Variants in ARHGAP26 observed in about 807,000 individuals in gnomAD.
ARHGAP26 encodes the protein rho GTPase-activating protein 26.
In ARHGAP26, 38 loss-of-function variants were observed where a neutral mutation model predicts 104.8. That is an observed-to-expected ratio of 0.36 (90% confidence interval 0.28 to 0.48). ARHGAP26 has a LOEUF of 0.48. Ranked by LOEUF, ARHGAP26 falls within the 20% of genes least tolerant of loss-of-function variation. The pLI is 0.99. For synonymous variants in ARHGAP26, 341 were observed against 340.0 expected (o/e 1.00, Z -0.03); for missense variants, 704 against 947.9 (o/e 0.74, Z 3.38).
intron 1 of ARHGAP26, among the ~76,000 whole-genome samples, chr5:142,844,243 G>A (rs1196779448): frequency 6.6e-6 from 1 of 151,684 alleles, no homozygotes; most frequent in African/African-American, 2.4e-5. Flanking sequence ...TAGAGATGGG[G>A]TTTCGCCATA....
chr5:142,844,053 T>TG (rs200107832), intron 1 of ARHGAP26, among the ~76,000 whole-genome samples: 17 of 145,316 alleles, frequency 1.2e-4, no homozygotes, highest in East Asian at 6.2e-4. Flanking sequence ...AAAAGTGAGT[T>TG]TTTTTTTTTT....
chr5:142,934,859 A>G (rs758317056), intron 11 of ARHGAP26, among the ~76,000 whole-genome samples: 1 of 152,138 alleles, frequency 6.6e-6, no homozygotes. Flanking sequence ...TTGAAAAACA[A>G]AGAAAAACTA....
chr5:142,987,527 A>C lies in ARHGAP26; in HGVS notation c.1108-26553A>C, dbSNP rs539195437. Among the ~76,000 whole-genome samples the C allele has an allele frequency of 1.4e-3, 199 of 143,318 alleles. 3 individuals carry two copies. The highest frequency in any genetic ancestry group is 0.014 in the Admixed American group (189 of 13,904). The allele number at this position is 143,318 out of a possible 152,430, so 94.0% of individuals were successfully genotyped here. A position where few individuals can be genotyped will look rare whatever the true frequency, so the allele number is the denominator to read the frequency against. On this transcript the variant is annotated intron_variant, in intron 11 of 22. Transcript: ENST00000645722. Reference sequence around the variant, plus strand: ...GATTGCCCTGGCCAGAACTTCCAACACTATGTTGAATAGGAGTGGTGAGAG... The same window carrying C: ...GATTGCCCTGGCCAGAACTTCCAACCCTATGTTGAATAGGAGTGGTGAGAG...
At chr5:142,934,787 GTTAAT>G (rs1765188267) in intron 11 of ARHGAP26, among the ~76,000 whole-genome samples, 1 of 151,060 alleles carries the variant, frequency 6.6e-6, no homozygotes, top group Non-Finnish European at 1.5e-5. Context: ...TTTGGAGGGG[GTTAAT>G]TTTAGTTTCT....
intron 10 of ARHGAP26, among the ~76,000 whole-genome samples, chr5:142,931,496 T>C (rs2152533025): frequency 6.6e-6 from 1 of 152,318 alleles, no homozygotes; most frequent in African/African-American, 2.4e-5. Flanking sequence ...AGTATTCATT[T>C]TTAAAAAATA....
intron 1 of ARHGAP26, among the ~76,000 whole-genome samples, chr5:142,850,648 A>G (rs1019491400): frequency 1.3e-5 from 2 of 152,126 alleles, no homozygotes; most frequent in Non-Finnish European, 2.9e-5. Context: ...AGCTCTTGGG[A>G]GGATTGAAGG....
rs1811730216 is a variant in ARHGAP26, at chr5:143,227,030, G to C, written c.*4584G>C. On this transcript the variant is annotated 3_prime_UTR_variant, in exon 23 of 23. Transcript: ENST00000645722. ...AGGCTCCAAAAGCATTCACAGTTGA[G>C]GGGGAGAAAGACAGAAAGAAGAAGC... is the stretch of plus-strand genomic sequence containing the variant. 2 of 229,494 alleles carry C rather than the reference G, an allele frequency of 8.7e-6. No homozygotes were observed. The highest frequency in any genetic ancestry group is 2.2e-5 in the African/African-American group (1 of 45,098). The allele number at this position is 229,494 out of a possible 1,614,324, so 14.2% of individuals were successfully genotyped here. A position where few individuals can be genotyped will look rare whatever the true frequency, so the allele number is the denominator to read the frequency against.
chr5:142,970,355 A>T (rs1772076917), intron 11 of ARHGAP26, among the ~76,000 whole-genome samples: 1 of 152,334 alleles, frequency 6.6e-6, no homozygotes, highest in East Asian at 1.9e-4. Flanking sequence ...TGGCTCAAGG[A>T]AAAAAGAGAA....
At chr5:143,064,588 A>G (rs1787213709) in intron 17 of ARHGAP26, among the ~76,000 whole-genome samples, 1 of 152,132 alleles carries the variant, frequency 6.6e-6, no homozygotes, top group South Asian at 2.1e-4. Flanking sequence ...GTCAAAGGAA[A>G]ATCTATTTAA....
chr5:143,071,724 A>C (rs1257681558), intron 17 of ARHGAP26, among the ~76,000 whole-genome samples: 1 of 152,098 alleles, frequency 6.6e-6, no homozygotes, highest in Non-Finnish European at 1.5e-5. Context: ...TCTGGCCAAC[A>C]TGGTGAAACC....
At position 143,223,066 on chromosome 5, in the gene ARHGAP26, T is replaced by A; in HGVS notation, c.*620T>A. 8.6e-6 allele frequency: 2 copies of A among 233,482 alleles called. No individual in the cohort carries two copies. The highest frequency in any genetic ancestry group is 8.5e-6 in the Non-Finnish European group (1 of 117,910). The allele number at this position is 233,482 out of a possible 1,614,324, so 14.5% of individuals were successfully genotyped here. ...ATCAGTGAGATACAATCCAGTCTTC[T>A]CATGCACGGGAACACACACACCCTG... On this transcript the variant is annotated 3_prime_UTR_variant, in exon 23 of 23. Transcript: ENST00000645722.
chr5:143,166,797 T>C (rs762292715), intron 20 of ARHGAP26, among the ~76,000 whole-genome samples: 1 of 152,196 alleles, frequency 6.6e-6, no homozygotes, highest in Non-Finnish European at 1.5e-5. Context: ...GTAGAGCACG[T>C]TCGAAGACTG....
chr5:142,883,467 A>G (rs1339633172), intron 4 of ARHGAP26, among the ~76,000 whole-genome samples: 2 of 152,254 alleles, frequency 1.3e-5, no homozygotes, highest in Non-Finnish European at 1.5e-5. Context: ...TTGTTCTTGT[A>G]TGTGAACAGT....
intron 11 of ARHGAP26, among the ~76,000 whole-genome samples, chr5:142,956,852 A>C (rs769066688): frequency 1.3e-5 from 2 of 152,156 alleles, no homozygotes; most frequent in Non-Finnish European, 2.9e-5. Context: ...GAGGAAGCAA[A>C]CGCAGAAACC....
intron 10 of ARHGAP26, 120 bp from the exon 11 acceptor site, chr5:142,931,927 T>C: frequency 1.1e-6 from 1 of 926,304 alleles, no homozygotes; most frequent in Non-Finnish European, 1.7e-6. Context: ...GTTTTGCCCC[T>C]CTTTGTGTTG....
At chr5:143,107,032 A>C (rs1794122392) in intron 17 of ARHGAP26, among the ~76,000 whole-genome samples, 1 of 152,080 alleles carries the variant, frequency 6.6e-6, no homozygotes, top group Non-Finnish European at 1.5e-5. Flanking sequence ...CTGTAATCTG[A>C]CATTTTTACT....
chr5:143,181,455 C>T (rs1804354935), intron 20 of ARHGAP26, among the ~76,000 whole-genome samples: 1 of 152,182 alleles, frequency 6.6e-6, no homozygotes, highest in African/African-American at 2.4e-5. Flanking sequence ...CTTCCTCCTC[C>T]ATGCTCCCTA....
chr5:143,204,807 TAAAAA>T (rs879698925), intron 20 of ARHGAP26, among the ~76,000 whole-genome samples: 4 of 146,538 alleles, frequency 2.7e-5, no homozygotes, highest in Non-Finnish European at 6.0e-5. Context: ...TAAAGTCATT[TAAAAA>T]AAAAAAAGTT....
rs114811941 is a variant in ARHGAP26, at chr5:142,785,466, A to C, written c.154+14551A>C. Reference sequence around the variant, plus strand: ...GGGGCCTTTAGGCCTCTGGTTTCACACTTCTTTTGTCTTGTCTGTCCCTTG... The same window carrying C: ...GGGGCCTTTAGGCCTCTGGTTTCACCCTTCTTTTGTCTTGTCTGTCCCTTG... On this transcript the variant is annotated intron_variant, in intron 1 of 22. Transcript: ENST00000645722. Among the ~76,000 whole-genome samples the C allele has an allele frequency of 6.8e-3, 1,042 of 152,292 alleles. 13 individuals are homozygous for C. Among genetic ancestry groups the C allele is most frequent in the African/African-American group, 0.022 (933 of 41,560 alleles).
Sources: allele counts gnomAD v4.1 joint callset (sites outside exome capture counted in the v4.1 genomes callset), GRCh38; gene constraint gnomAD v4.1.1; transcripts MANE v1.5; gene names NCBI Gene and HGNC (gene_info 2026-07-23, HGNC 2026-07-21).